ABCB1: variants seen among roughly 807,000 people sequenced by gnomAD.
ABCB1 encodes ATP-dependent translocase ABCB1.
In ABCB1, 69 loss-of-function variants were observed where a neutral mutation model predicts 142.0. The observed-to-expected ratio is 0.49, with a 90% CI of 0.40 to 0.59. The LOEUF (loss-of-function observed/expected upper bound fraction) is 0.59. Ranked by LOEUF, ABCB1 falls within the 20% of genes least tolerant of loss-of-function variation. ABCB1 has a pLI of 0.00. For synonymous variants in ABCB1, 532 were observed against 539.2 expected (o/e 0.99, Z 0.18); for missense variants, 1,326 against 1,554.7 (o/e 0.85, Z 2.47).
intron 4 of ABCB1, among the ~76,000 whole-genome samples, chr7:87,575,374 C>T (rs1425210273): frequency 6.6e-6 from 1 of 152,046 alleles, no homozygotes; most frequent in African/African-American, 2.4e-5. Context: ...GGCATCATTC[C>T]AGACACTGAA....
intron 1 of ABCB1, among the ~76,000 whole-genome samples, chr7:87,625,830 T>A (rs1820400111): frequency 6.6e-6 from 1 of 151,890 alleles, no homozygotes; most frequent in Non-Finnish European, 1.5e-5. Context: ...TATATAGAAA[T>A]TTCGCCTGCT....
At chr7:87,526,772 C>T (rs1406284609) in intron 21 of ABCB1, among the ~76,000 whole-genome samples, 2 of 152,160 alleles carry the variant, frequency 1.3e-5, no homozygotes, top group Admixed American at 6.5e-5. Flanking sequence ...ATTGTCCATG[C>T]CTTCTTGTTG....
At chr7:87,555,087 C>T (rs566491099) in intron 8 of ABCB1, among the ~76,000 whole-genome samples, 220 of 152,214 alleles carry the variant, frequency 1.4e-3, no homozygotes, top group Non-Finnish European at 1.5e-3. Context: ...GTCTATAACT[C>T]GACCTTCATT....
intron 1 of ABCB1, among the ~76,000 whole-genome samples, chr7:87,629,967 A>G (rs1314366378): frequency 1.3e-5 from 2 of 152,014 alleles, no homozygotes; most frequent in East Asian, 3.9e-4. Flanking sequence ...GTATTCAGAG[A>G]TAACTGGTTT....
intron 1 of ABCB1, among the ~76,000 whole-genome samples, chr7:87,612,583 T>G (rs1033194525): frequency 1.3e-5 from 2 of 152,190 alleles, no homozygotes; most frequent in African/African-American, 2.4e-5. Context: ...GTATTTGGCT[T>G]TATTTCTGGG....
chr7:87,519,388 T>C lies in ABCB1; in HGVS notation c.2865A>G (p.Gly955=), dbSNP rs1005209302. 1 of 1,614,154 alleles carries C rather than the reference T, an allele frequency of 6.2e-7. No individual in the cohort carries two copies. The highest frequency in any genetic ancestry group is 1.7e-5 in the Admixed American group (1 of 60,026). ...TQAMMYFSYA[G]CFRFGAYLVA... ...CCAAGTAGGCTCCAAACCGGAAACA[T>C]CCAGCATAGGAAAAATACATCATTG... is the stretch of plus-strand genomic sequence containing the variant. Residue 955 remains glycine (G), a synonymous_variant, in exon 23 of 28, where the codon GGA becomes GGG. Coordinates refer to ENST00000622132, the MANE Select transcript of ABCB1 (RefSeq NM_001348946.2).
chr7:87,586,307 G>A (rs1818751390), intron 3 of ABCB1, among the ~76,000 whole-genome samples: 1 of 152,172 alleles, frequency 6.6e-6, no homozygotes, highest in Non-Finnish European at 1.5e-5. Context: ...CTCTTTAAAT[G>A]TAGGCAGGTA....
chr7:87,622,856 C>A (rs957156224), intron 1 of ABCB1, among the ~76,000 whole-genome samples: 1 of 151,880 alleles, frequency 6.6e-6, no homozygotes, highest in Non-Finnish European at 1.5e-5. Context: ...CATAGTGAGA[C>A]CTTGTCTCAG....
chr7:87,516,891 C>A (rs1485890701), intron 23 of ABCB1, among the ~76,000 whole-genome samples: 1 of 151,820 alleles, frequency 6.6e-6, no homozygotes, highest in Non-Finnish European at 1.5e-5. Flanking sequence ...TGTGCATGAC[C>A]ACACCAGCTA....
chr7:87,704,792 A>T lies in ABCB1; in HGVS notation c.-331+8369T>A, dbSNP rs550558012. On this transcript the variant is annotated intron_variant, in intron 1 of 28. Coordinates refer to the ABCB1 transcript ENST00000265724. ...TGGGAAGAGTCTGTGGAGAAAGATTACCTCTCTTTATTCATTGCAATGAAA... is the reference window on the plus strand; with the variant it reads ...TGGGAAGAGTCTGTGGAGAAAGATTTCCTCTCTTTATTCATTGCAATGAAA... Among the ~76,000 whole-genome samples, 15 of 152,292 alleles carry T rather than the reference A, an allele frequency of 9.8e-5. No homozygotes were observed. In the East Asian group the frequency reaches 2.9e-3, roughly 29 times the overall value.
At chr7:87,643,872 C>A (rs1359742585) in intron 1 of ABCB1, among the ~76,000 whole-genome samples, 1 of 151,102 alleles carries the variant, frequency 6.6e-6, no homozygotes, top group Non-Finnish European at 1.5e-5. Flanking sequence ...AGGGAAATTA[C>A]TTTTTTTGTT....
In ABCB1 at chr7:87,516,648, A is replaced by T; in HGVS notation, c.2945T>A (p.Val982Asp). 6.2e-7 allele frequency: 1 copy of T among 1,613,984 alleles called. No individual in the cohort carries two copies. Among genetic ancestry groups the T allele is most frequent in the East Asian group, 2.2e-5 (1 of 44,868 alleles). ...EDVLLVFSAVVFGAMAVGQVS... is the reference protein window; with the variant it reads ...EDVLLVFSAVDFGAMAVGQVS... ...TTGCCCCACGGCCATGGCACCAAAGACAACAGCTGAAAATACTCTGGAAAG... is the reference window on the plus strand; with the variant it reads ...TTGCCCCACGGCCATGGCACCAAAGTCAACAGCTGAAAATACTCTGGAAAG... The change falls in exon 24 of 28, where the codon GTC becomes GAC. Residue 982 changes from valine (V) to aspartate (D), a missense_variant. Val to Asp is a radical substitution (Grantham distance 152). Coordinates refer to ENST00000622132, the MANE Select transcript of ABCB1 (RefSeq NM_001348946.2).
At chr7:87,616,174 A>G (rs1820026199) in intron 1 of ABCB1, among the ~76,000 whole-genome samples, 1 of 152,178 alleles carries the variant, frequency 6.6e-6, no homozygotes, top group Non-Finnish European at 1.5e-5. Context: ...GGTATTGTCT[A>G]TTACTCGGAA....
intron 1 of ABCB1, chr7:87,628,900 C>T (rs752955187): frequency 3.1e-6 from 4 of 1,306,112 alleles, no homozygotes; most frequent in Non-Finnish European, 2.9e-6. Context: ...AGCCTGAGCG[C>T]CCGCAATGCT....
intron 5 of ABCB1, among the ~76,000 whole-genome samples, chr7:87,568,535 AC>A (rs1335303146): frequency 2.0e-5 from 3 of 152,168 alleles, no homozygotes; most frequent in African/African-American, 7.2e-5. Context: ...TTCACTACTT[AC>A]CATCTTCAAA....
In ABCB1 at chr7:87,626,125, T is replaced by G. The variant is rs557027285; in HGVS notation, c.-330-25047A>C. On this transcript the variant is annotated intron_variant, in intron 1 of 28. Coordinates refer to the ABCB1 transcript ENST00000265724. ...TGTCATATATATGTGTCATATATAT[T>G]GTCATATATATGTGTCATATATATT... 4.2e-5 allele frequency among the ~76,000 whole-genome samples: 5 copies of G among 120,264 alleles called. 1 individual carries two copies. The highest frequency in any genetic ancestry group is 3.2e-4 in the South Asian group (1 of 3,126). 78.9% of individuals were successfully genotyped at this position (120,264 alleles called of 152,430 possible).
chr7:87,611,326 T>C (rs1819842724), intron 1 of ABCB1, among the ~76,000 whole-genome samples: 1 of 152,210 alleles, frequency 6.6e-6, no homozygotes, highest in Non-Finnish European at 1.5e-5. Context: ...ATTGATCCTA[T>C]CACCCAGAGT....
intron 1 of ABCB1, among the ~76,000 whole-genome samples, chr7:87,663,149 T>G (rs1205756293): frequency 5.9e-5 from 9 of 152,160 alleles, no homozygotes; most frequent in Admixed American, 5.9e-4. Flanking sequence ...GGTGAATTCT[T>G]TAGGTTATCC....
intron 1 of ABCB1, among the ~76,000 whole-genome samples, chr7:87,692,848 A>G (rs138418783): frequency 1.9e-3 from 292 of 152,344 alleles, no homozygotes; most frequent in Non-Finnish European, 2.8e-3. Context: ...TAACTGTCGT[A>G]CCAAGTTATA....
Sources: allele counts gnomAD v4.1 joint callset (sites outside exome capture counted in the v4.1 genomes callset), GRCh38; gene constraint gnomAD v4.1.1; transcripts MANE v1.5; gene names NCBI Gene and HGNC (gene_info 2026-07-23, HGNC 2026-07-21).